PAX5: variants seen among roughly 807,000 people sequenced by gnomAD.
PAX5 encodes paired box protein Pax-5.
PAX5 carries 9 observed loss-of-function variants against 43.7 expected under a neutral mutation model. That is an observed-to-expected ratio of 0.21 (90% CI 0.12 to 0.36). The LOEUF is 0.36. Among genes scored for constraint, PAX5 ranks in the 10% least tolerant of loss-of-function variants. PAX5 has a pLI of 1.00. For synonymous variants in PAX5, 228 were observed against 214.3 expected (o/e 1.06, Z -0.56); for missense variants, 383 against 532.7 (o/e 0.72, Z 2.77).
chr9:37,023,120 G>A (rs1435528436), intron 1 of PAX5, among the ~76,000 whole-genome samples: 1 of 152,180 alleles, frequency 6.6e-6, no homozygotes, highest in Non-Finnish European at 1.5e-5. Context: ...GGAACTGAAT[G>A]AGACAGACAA....
intron 5 of PAX5, among the ~76,000 whole-genome samples, chr9:37,001,366 G>A (rs908917758): frequency 1.3e-5 from 2 of 152,078 alleles, no homozygotes; most frequent in Admixed American, 6.6e-5. Flanking sequence ...AGGCACATCT[G>A]CTGCGAGTCC....
At chr9:36,976,481 T>C (rs1288377119) in intron 5 of PAX5, among the ~76,000 whole-genome samples, 1 of 152,160 alleles carries the variant, frequency 6.6e-6, no homozygotes, top group African/African-American at 2.4e-5. Context: ...CAAACGCTTC[T>C]AGGACATCTA....
intron 5 of PAX5, among the ~76,000 whole-genome samples, chr9:36,998,388 A>G (rs998913177): frequency 6.6e-6 from 1 of 152,232 alleles, no homozygotes; most frequent in South Asian, 2.1e-4. Context: ...GGAGCTTTCT[A>G]TGGAAGCCCA....
intron 1 of PAX5, among the ~76,000 whole-genome samples, chr9:37,024,096 T>C (rs1278826153): frequency 6.6e-6 from 1 of 152,244 alleles, no homozygotes; most frequent in Non-Finnish European, 1.5e-5. Flanking sequence ...TCAGTCCTTT[T>C]GTCTCTCTGA....
At chr9:36,849,224 T>A (rs1029978018) in intron 8 of PAX5, among the ~76,000 whole-genome samples, 1 of 152,226 alleles carries the variant, frequency 6.6e-6, no homozygotes, top group Non-Finnish European at 1.5e-5. Flanking sequence ...ACAATGAGTG[T>A]CTGAACAATT....
chr9:37,006,002 G>C (rs1238968881), intron 4 of PAX5, among the ~76,000 whole-genome samples: 3 of 152,204 alleles, frequency 2.0e-5, no homozygotes, highest in African/African-American at 7.2e-5. Flanking sequence ...CGAAGCAAGA[G>C]AGAGAGAGAA....
intron 1 of PAX5, among the ~76,000 whole-genome samples, chr9:37,033,305 C>G (rs1841171045): frequency 3.9e-5 from 6 of 152,176 alleles, no homozygotes; most frequent in African/African-American, 1.4e-4. Flanking sequence ...TCCATAGGCC[C>G]CAGACCCACG....
chr9:36,894,733 T>C (rs535893744), intron 7 of PAX5, among the ~76,000 whole-genome samples: 54 of 152,356 alleles, frequency 3.5e-4, no homozygotes, highest in African/African-American at 1.2e-3. Context: ...AAGGCCACCA[T>C]TGTTAACCGT....
At chr9:36,869,811 G>C (rs1381896166) in intron 8 of PAX5, among the ~76,000 whole-genome samples, 1 of 151,084 alleles carries the variant, frequency 6.6e-6, no homozygotes, top group Non-Finnish European at 1.5e-5. Context: ...TGGATAAATA[G>C]ATGGATGGAT....
intron 8 of PAX5, among the ~76,000 whole-genome samples, chr9:36,865,633 C>T (rs1004588077): frequency 1.3e-5 from 2 of 152,162 alleles, no homozygotes; most frequent in Non-Finnish European, 2.9e-5. Context: ...AATCAGGAGA[C>T]CCCACACGGC....
At chr9:36,967,472 G>A (rs922595132) in intron 5 of PAX5, among the ~76,000 whole-genome samples, 1 of 152,172 alleles carries the variant, frequency 6.6e-6, no homozygotes, top group African/African-American at 2.4e-5. Context: ...ACTCAGCCAG[G>A]CATACTTGCA....
At chr9:36,971,964 T>C (rs928676864) in intron 5 of PAX5, among the ~76,000 whole-genome samples, 7 of 152,242 alleles carry the variant, frequency 4.6e-5, no homozygotes, top group African/African-American at 1.7e-4. Flanking sequence ...GCACAGCAGA[T>C]TCAGGGGTTT....
intron 6 of PAX5, among the ~76,000 whole-genome samples, chr9:36,947,787 C>A (rs894410819): frequency 6.6e-6 from 1 of 151,798 alleles, no homozygotes; most frequent in Admixed American, 6.6e-5. Flanking sequence ...ACTTTGGCCA[C>A]CTGAAACTAC....
Position 36,925,922 on chromosome 9 carries a change from G to A in PAX5, c.781-2438C>T, listed in dbSNP as rs1171777352. Among the ~76,000 whole-genome samples, 10 of 152,230 alleles carry A rather than the reference G, an allele frequency of 6.6e-5. No homozygotes were observed. In the East Asian group the frequency reaches 1.5e-3, roughly 24 times the overall value. ...GTGTGAGTCCCACCCTCATTCTGCT[G>A]GCCCCGCCAAGTGGTGCCAGAACAA... On this transcript the variant is annotated intron_variant, in intron 6 of 9. Coordinates refer to ENST00000358127, the MANE Select transcript of PAX5 (RefSeq NM_016734.3).
At chr9:37,012,148 A>T (rs565242003) in intron 3 of PAX5, among the ~76,000 whole-genome samples, 48 of 152,264 alleles carry the variant, frequency 3.2e-4, no homozygotes, top group Admixed American at 2.9e-3. Flanking sequence ...GCTAAGGATG[A>T]GAGAGGGCAG....
intron 6 of PAX5, among the ~76,000 whole-genome samples, chr9:36,960,723 T>C (rs1045050057): frequency 2.6e-5 from 4 of 152,200 alleles, no homozygotes; most frequent in African/African-American, 9.7e-5. Context: ...CCCTCTGTGG[T>C]TGAGGTCCCC....
chr9:36,897,318 G>T (rs186221300), intron 7 of PAX5, among the ~76,000 whole-genome samples: 32 of 152,246 alleles, frequency 2.1e-4, no homozygotes, highest in Non-Finnish European at 4.0e-4. Flanking sequence ...ACCGGAGCTC[G>T]AAGGATGCTA....
chr9:37,002,846 T>A, intron 4 of PAX5, 70 bp from the exon 5 acceptor site: 1 of 1,527,476 alleles, frequency 6.5e-7, no homozygotes, highest in Non-Finnish European at 8.8e-7. Flanking sequence ...TCACCGCACG[T>A]GAGGCTGGGG....
intron 5 of PAX5, among the ~76,000 whole-genome samples, chr9:36,981,830 C>A (rs1360649882): frequency 6.6e-6 from 1 of 152,262 alleles, no homozygotes; most frequent in East Asian, 1.9e-4. Context: ...GTCAATAAAT[C>A]ATGCCAGGCC....
Sources: allele counts gnomAD v4.1 joint callset (sites outside exome capture counted in the v4.1 genomes callset), GRCh38; gene constraint gnomAD v4.1.1; transcripts MANE v1.5; gene names NCBI Gene and HGNC (gene_info 2026-07-23, HGNC 2026-07-21).